The following IQSEC1 variants were observed in gnomAD, a reference collection of about 807,000 sequenced individuals.
IQSEC1 encodes the protein IQ motif and Sec7 domain ArfGEF 1.
A neutral mutation model predicts 91.0 loss-of-function variants in IQSEC1; 31 were observed. The ratio of observed to expected loss-of-function variants is 0.34; its 90% CI spans 0.26 to 0.46. The LOEUF is 0.46. Among genes scored for constraint, IQSEC1 ranks in the 20% least tolerant of loss-of-function variants. The probability of loss-of-function intolerance (pLI) is 1.00; values close to 1 mark genes in which losing one functional copy is unlikely to be tolerated. For missense variants in IQSEC1, 1,388 were observed against 1,575.6 expected (o/e 0.88, Z 2.02); for synonymous variants, 699 against 662.6 (o/e 1.05, Z -0.84).
rs373720578 is a variant in IQSEC1, at chr3:12,936,233, C to T, written c.783G>A (p.Arg261=). The T allele has an allele frequency of 3.2e-5, 51 of 1,613,036 alleles. No individual in the cohort carries two copies. The Middle Eastern group carries it at 8.2e-4, about 26-fold the overall frequency. Residue 261 remains arginine (R), a synonymous_variant, in exon 3 of 14, where the codon CGG becomes CGA. Coordinates refer to ENST00000613206, the MANE Select transcript of IQSEC1 (RefSeq NM_001134382.3). The part of the protein sequence containing the change: ...TEEAPALDAA[R]ARDTEPQTAL... ...CTGTCTGGGGTTCGGTGTCCCGGGC[C>T]CGCGCCGCATCCAGGGCCGGTGCCT...
At chr3:13,246,898 G>A (rs1263796059) in intron 1 of IQSEC1, among the ~76,000 whole-genome samples, 22 of 152,164 alleles carry the variant, frequency 1.4e-4, no homozygotes, top group Non-Finnish European at 2.9e-4. Flanking sequence ...CTCCCACCAC[G>A]AGCGAATGGG....
At position 12,992,099 on chromosome 3, in the gene IQSEC1, G is replaced by T. The variant is rs1011922700; in HGVS notation, c.24-50234C>A. On this transcript the variant is annotated intron_variant, in intron 1 of 13. Transcript: ENST00000613206. The surrounding 1 kb of genome is among the most constrained non-coding windows in gnomAD (Gnocchi z 4.1). ...TCTGAGGGGACACCGAGTCCTCCGA[G>T]CATTCCCCAGGAAGCAGCCCTCTCA... Among the ~76,000 whole-genome samples, 3 of 152,152 alleles carry T rather than the reference G, an allele frequency of 2.0e-5. No individual in the cohort carries two copies. Among genetic ancestry groups the T allele is most frequent in the African/African-American group, 7.2e-5 (3 of 41,442 alleles).
intron 2 of IQSEC1, among the ~76,000 whole-genome samples, chr3:13,130,465 A>G (rs761088683): frequency 2.6e-5 from 4 of 151,976 alleles, no homozygotes; most frequent in Non-Finnish European, 5.9e-5. Context: ...TTTTAAATAT[A>G]TTGAGATTTA....
intron 1 of IQSEC1, among the ~76,000 whole-genome samples, chr3:13,056,322 G>C (rs1429235905): frequency 6.6e-6 from 1 of 151,942 alleles, no homozygotes; most frequent in Admixed American, 6.6e-5. Flanking sequence ...GGCCCTGAAA[G>C]AACCATCTGG....
intron 1 of IQSEC1, among the ~76,000 whole-genome samples, chr3:12,950,646 A>ATTT (rs35512437): frequency 2.7e-5 from 4 of 145,980 alleles, no homozygotes; most frequent in African/African-American, 7.6e-5. Context: ...ATCTCTACAA[A>ATTT]TTTTTTTTTT....
rs962710750 is a variant in IQSEC1, at chr3:12,901,105, C to T, written c.3223G>A (p.Gly1075Ser). Residue 1075 changes from glycine (G) to serine (S), a missense_variant, in exon 14 of 14, where the codon GGC (glycine) becomes AGC (serine). Coordinates refer to ENST00000613206, the MANE Select transcript of IQSEC1 (RefSeq NM_001134382.3). ...TGGGCCGAGGGCAGCGGCGGGTGGC[C>T]GTGGGCATGGGCCCCGTAGGCTGGG... ...GHPAYGAHAH[G>S]HPPLPSAHVG... 1.8e-4 allele frequency: 282 copies of T among 1,538,710 alleles called. No individual in the cohort carries two copies. The highest frequency in any genetic ancestry group is 2.2e-4 in the Non-Finnish European group (250 of 1,144,770).
At chr3:13,127,436 AAC>A (rs146505347) in intron 2 of IQSEC1, among the ~76,000 whole-genome samples, 58,953 of 151,372 alleles carry the variant, frequency 0.39, 12,862 homozygotes, top group African/African-American at 0.6. Flanking sequence ...CAAAAAAACA[AAC>A]AAACAAAAAA....
chr3:13,229,107 C>T (rs376465086), intron 1 of IQSEC1, among the ~76,000 whole-genome samples: 1 of 152,320 alleles, frequency 6.6e-6, no homozygotes, highest in African/African-American at 2.4e-5. Context: ...CTCATATACA[C>T]CCTCACACAG....
rs895202957 is a variant in IQSEC1 at position 12,900,697 on chromosome 3, A to C, written c.*286T>G. The C allele has an allele frequency of 8.1e-6, 11 of 1,363,560 alleles. No homozygotes were observed. The highest frequency in any genetic ancestry group is 5.9e-5 in the East Asian group (2 of 33,864). 84.5% of individuals were successfully genotyped at this position (1,363,560 alleles called of 1,614,324 possible). Reference sequence around the variant, plus strand: ...GCTGGAGTGGGGGAGGCAGTTCAACACTACTTGGCTGGCTCACCGTTTCAA... The same window carrying C: ...GCTGGAGTGGGGGAGGCAGTTCAACCCTACTTGGCTGGCTCACCGTTTCAA... On this transcript the variant is annotated 3_prime_UTR_variant, in exon 14 of 14. Transcript: ENST00000613206.
At chr3:13,135,646 C>T (rs1250150342) in intron 2 of IQSEC1, among the ~76,000 whole-genome samples, 1 of 152,192 alleles carries the variant, frequency 6.6e-6, no homozygotes, top group Non-Finnish European at 1.5e-5. Context: ...AGGCAAGGAG[C>T]CGGAGTGGGT....
chr3:12,931,210 G>T (rs1697642975), intron 3 of IQSEC1, among the ~76,000 whole-genome samples: 1 of 152,118 alleles, frequency 6.6e-6, no homozygotes, highest in Non-Finnish European at 1.5e-5. Flanking sequence ...CCAGGGCTCG[G>T]GATCCTGGGC....
chr3:13,023,986 C>T (rs560820413), intron 1 of IQSEC1, among the ~76,000 whole-genome samples: 60 of 152,296 alleles, frequency 3.9e-4, no homozygotes, highest in South Asian at 1.5e-3. Context: ...TTTAAGCTTC[C>T]CCATTCCATC....
At chr3:13,279,472 T>C (rs1695749783) in intron 1 of IQSEC1, among the ~76,000 whole-genome samples, 1 of 152,198 alleles carries the variant, frequency 6.6e-6, no homozygotes, top group African/African-American at 2.4e-5. Context: ...GAGCACTCTC[T>C]GAGAAAGGCT....
intron 1 of IQSEC1, among the ~76,000 whole-genome samples, chr3:13,239,499 C>T (rs1298012496): frequency 6.6e-6 from 1 of 152,274 alleles, no homozygotes; most frequent in Non-Finnish European, 1.5e-5. Flanking sequence ...CTGGGTCCTC[C>T]TGGCCGTGAG....
In IQSEC1 at chr3:12,936,611, C is replaced by G; in HGVS notation, c.405G>C (p.Gln135His). 2 of 1,612,834 alleles carry G rather than the reference C, an allele frequency of 1.2e-6. No individual in the cohort carries two copies. The highest frequency in any genetic ancestry group is 1.7e-6 in the Non-Finnish European group (2 of 1,179,904). Residue 135 changes from glutamine to histidine, a missense_variant, in exon 3 of 14, where the codon CAG becomes CAC. Gln to His is a conservative substitution (Grantham distance 24). Around this residue, in one of 2 missense-constraint regions of IQSEC1, gnomAD observed 1,059 missense variants for 1,317.8 expected, o/e 0.80. Coordinates refer to ENST00000613206, the MANE Select transcript of IQSEC1 (RefSeq NM_001134382.3). ...RTIQTAFRQY[Q>H]MNKNFERLRS... ...GCAAGCGCTCGAAGTTCTTGTTCATCTGGTACTGGCGAAACGCCGTCTGGA... is the reference window on the plus strand; with the variant it reads ...GCAAGCGCTCGAAGTTCTTGTTCATGTGGTACTGGCGAAACGCCGTCTGGA...
intron 1 of IQSEC1, among the ~76,000 whole-genome samples, chr3:13,219,745 G>A (rs972314405): frequency 2.0e-5 from 3 of 152,208 alleles, no homozygotes; most frequent in African/African-American, 4.8e-5. Flanking sequence ...AGGACAGTCC[G>A]GGCCTGCCAC....
At chr3:13,038,297 TAA>T (rs10667212) in intron 1 of IQSEC1, among the ~76,000 whole-genome samples, 17 of 131,986 alleles carry the variant, frequency 1.3e-4, no homozygotes, top group Admixed American at 5.4e-4. Context: ...TATATATATA[TAA>T]AATGAAGTAC....
At chr3:13,148,218 C>A (rs868078697) in intron 2 of IQSEC1, among the ~76,000 whole-genome samples, 1 of 152,120 alleles carries the variant, frequency 6.6e-6, no homozygotes, top group Non-Finnish European at 1.5e-5. Flanking sequence ...GATAACAGGA[C>A]CCTCCTCCCC....
chr3:13,246,324 G>A (rs2125109676), intron 1 of IQSEC1, among the ~76,000 whole-genome samples: 1 of 152,270 alleles, frequency 6.6e-6, no homozygotes, highest in African/African-American at 2.4e-5. Context: ...CATAGGGACA[G>A]AAATGGAGTC....
Sources: gnomAD v4.1 joint callset for allele counts (sites outside exome capture counted in the v4.1 genomes callset) on GRCh38, gnomAD v4.1.1 for gene constraint, gnomAD v4.1.1 regional missense constraint, Gnocchi (gnomAD v3.1) non-coding constraint, MANE v1.5 for transcripts, NCBI Gene and HGNC (gene_info 2026-07-23, HGNC 2026-07-21) for gene names.